COL26A1: variants seen among roughly 807,000 people sequenced by gnomAD.
COL26A1 encodes the protein collagen type XXVI alpha 1 chain.
A neutral mutation model predicts 59.3 loss-of-function variants in COL26A1; 41 were observed. The ratio of observed to expected loss-of-function variants is 0.69; its 90% CI spans 0.54 to 0.90. COL26A1 has a LOEUF of 0.90. Among genes scored for constraint, COL26A1 ranks in the 40% least tolerant of loss-of-function variants. COL26A1 has a pLI of 0.00. For synonymous variants in COL26A1, 266 were observed against 256.0 expected (o/e 1.04, Z -0.37); for missense variants, 612 against 602.3 (o/e 1.02, Z -0.17).
chr7:101,545,499 T>A lies in COL26A1; in HGVS notation c.856+9T>A, dbSNP rs1464721658. Reference sequence around the variant, plus strand: ...GCCTACAGACAAAGACAGTGAGTAATGCCCCTGGGGGGCCAAGGGAGGGCT... The same window carrying A: ...GCCTACAGACAAAGACAGTGAGTAAAGCCCCTGGGGGGCCAAGGGAGGGCT... On this transcript the variant is annotated intron_variant, in intron 7 of 12. Transcript: ENST00000313669. The A allele has an allele frequency of 3.1e-6, 5 of 1,598,256 alleles. No individual in the cohort carries two copies. The highest frequency in any genetic ancestry group is 4.3e-6 in the Non-Finnish European group (5 of 1,174,790).
intron 1 of COL26A1, among the ~76,000 whole-genome samples, chr7:101,406,222 C>T (rs928087874): frequency 1.3e-5 from 2 of 152,144 alleles, no homozygotes; most frequent in Non-Finnish European, 2.9e-5. Context: ...TCCTTCCCTG[C>T]GGTGCTTCGA....
chr7:101,535,505 T>G (rs1316643648), intron 4 of COL26A1, among the ~76,000 whole-genome samples: 1 of 152,138 alleles, frequency 6.6e-6, no homozygotes, highest in Non-Finnish European at 1.5e-5. Flanking sequence ...CCTCCCATCA[T>G]GAGCAATTCC....
At chr7:101,480,924 T>C (rs770838583) in intron 3 of COL26A1, among the ~76,000 whole-genome samples, 1 of 152,178 alleles carries the variant, frequency 6.6e-6, no homozygotes, top group Non-Finnish European at 1.5e-5. Flanking sequence ...GCAGTCCGGA[T>C]TGTGGAACCA....
chr7:101,401,925 A>ACGTGAACTGCCAAAAATTCCTACCTTG (rs1792018339), intron 1 of COL26A1, among the ~76,000 whole-genome samples: 2 of 152,166 alleles, frequency 1.3e-5, no homozygotes, highest in Non-Finnish European at 2.9e-5. Context: ...GCTGGGGGTT[A>ACGTGAACTGCCAAAAATTCCTACCTTG]CGTGAACTGC....
At chr7:101,506,239 C>A (rs1409624823) in intron 3 of COL26A1, among the ~76,000 whole-genome samples, 1 of 152,226 alleles carries the variant, frequency 6.6e-6, no homozygotes, top group Non-Finnish European at 1.5e-5. Flanking sequence ...GGCCAGGAGG[C>A]CCCCTGGAAT....
chr7:101,509,993 A>G (rs1016826228), intron 3 of COL26A1, among the ~76,000 whole-genome samples: 11 of 142,996 alleles, frequency 7.7e-5, no homozygotes, highest in Non-Finnish European at 1.6e-4. Flanking sequence ...CTCCCAAAGT[A>G]CTGGGATTAT....
intron 1 of COL26A1, among the ~76,000 whole-genome samples, chr7:101,405,665 A>G (rs985580336): frequency 2.0e-5 from 3 of 151,890 alleles, no homozygotes; most frequent in African/African-American, 4.8e-5. Context: ...CTAAGTGCCG[A>G]CCCTATAGAA....
chr7:101,509,282 C>T (rs1163430249), intron 3 of COL26A1, among the ~76,000 whole-genome samples: 2 of 151,758 alleles, frequency 1.3e-5, no homozygotes, highest in Non-Finnish European at 2.9e-5. Context: ...CACTTCTCTA[C>T]TAAAAATACA....
At chr7:101,368,557 T>A (rs1036886263) in intron 1 of COL26A1, among the ~76,000 whole-genome samples, 6 of 152,214 alleles carry the variant, frequency 3.9e-5, no homozygotes, top group African/African-American at 1.4e-4. Flanking sequence ...TTTAACTATA[T>A]GCAAATTAAG....
intron 11 of COL26A1, among the ~76,000 whole-genome samples, chr7:101,554,691 C>A (rs951167143): frequency 2.0e-5 from 3 of 151,768 alleles, no homozygotes; most frequent in South Asian, 4.2e-4. Context: ...CTGCAGTGAA[C>A]TACAATCGTG....
At chr7:101,439,327 G>C (rs1792990847) in intron 2 of COL26A1, among the ~76,000 whole-genome samples, 1 of 68 alleles carries the variant, frequency 0.015, no homozygotes, top group Non-Finnish European at 0.031. Flanking sequence ...GAGAGAGACA[G>C]AAAGAGAGAG....
At chr7:101,375,994 A>G (rs1791306576) in intron 1 of COL26A1, among the ~76,000 whole-genome samples, 1 of 150,028 alleles carries the variant, frequency 6.7e-6, no homozygotes, top group Non-Finnish European at 1.5e-5. Context: ...TCAAAGAAAA[A>G]AAAAAAAAAA....
In COL26A1 at chr7:101,440,954, C is replaced by T. The variant is rs181832531; in HGVS notation, c.282-6730C>T. Among the ~76,000 whole-genome samples, 899 of 143,760 alleles carry T rather than the reference C, an allele frequency of 6.3e-3. 4 individuals are homozygous for T. Among genetic ancestry groups the T allele is most frequent in the Middle Eastern group, 0.011 (3 of 268 alleles). 94.3% of individuals were successfully genotyped at this position (143,760 alleles called of 152,430 possible). On this transcript the variant is annotated intron_variant, in intron 2 of 12. Transcript: ENST00000313669. ...ATTGCGCCACTGCACTCCAGCCTGG[C>T]GACAGAGAGAGACTCCGTCTCAAAA...
At chr7:101,540,537 TAA>T (rs369850957) in intron 5 of COL26A1, among the ~76,000 whole-genome samples, 33 of 119,068 alleles carry the variant, frequency 2.8e-4, no homozygotes, top group East Asian at 2.6e-4. Flanking sequence ...AAATTCCGTC[TAA>T]AAAAAAAAAA....
intron 3 of COL26A1, among the ~76,000 whole-genome samples, chr7:101,464,866 C>T (rs1266855327): frequency 6.6e-6 from 1 of 151,894 alleles, no homozygotes; most frequent in East Asian, 1.9e-4. Flanking sequence ...TACACACCAC[C>T]ATGCCCGGCT....
chr7:101,410,686 GGTGTGTGTGT>G (rs3072481), intron 1 of COL26A1, among the ~76,000 whole-genome samples: 2 of 149,604 alleles, frequency 1.3e-5, no homozygotes, highest in Admixed American at 6.7e-5. Flanking sequence ...GGCTAATTTT[GGTGTGTGTGT>G]GTGTGTGTGT....
intron 3 of COL26A1, among the ~76,000 whole-genome samples, chr7:101,471,883 A>T (rs1056701654): frequency 2.6e-5 from 4 of 152,010 alleles, no homozygotes; most frequent in African/African-American, 9.7e-5. Context: ...CCCGGCCAGA[A>T]TAAGGTCTTA....
At position 101,420,147 on chromosome 7, in the gene COL26A1, C is replaced by G. The variant is rs201169925; in HGVS notation, c.281+48C>G. ...GCTCTGCCCTTCCCTCCCATTCCCT[C>G]GGACAAAACCAGTCCCAGGATGGCT... On this transcript the variant is annotated intron_variant, in intron 2 of 12. Coordinates refer to ENST00000313669, the MANE Select transcript of COL26A1 (RefSeq NM_001278563.3). 5.6e-6 allele frequency: 9 copies of G among 1,602,354 alleles called. No homozygotes were observed. In the African/African-American group the frequency reaches 1.1e-4, roughly 19 times the overall value.
chr7:101,420,197 C>A, intron 2 of COL26A1, 98 bp downstream of exon 2: 1 of 1,442,650 alleles, frequency 6.9e-7, no homozygotes, highest in Non-Finnish European at 9.6e-7. Context: ...GCTGTGCTCA[C>A]AGACAAAGGC....
Sources: gnomAD v4.1 joint callset for allele counts (sites outside exome capture counted in the v4.1 genomes callset) on GRCh38, gnomAD v4.1.1 for gene constraint, MANE v1.5 for transcripts, NCBI Gene and HGNC (gene_info 2026-07-23, HGNC 2026-07-21) for gene names.